The following NRIP1 variants were observed in gnomAD, a reference collection of about 807,000 sequenced individuals.
NRIP1 encodes the protein nuclear receptor interacting protein 1, also known as nuclear receptor-interacting protein 1.
In NRIP1, 28 loss-of-function variants were observed where a neutral mutation model predicts 75.0. The observed-to-expected ratio is 0.37, with a 90% CI of 0.28 to 0.51. The LOEUF (loss-of-function observed/expected upper bound fraction) is 0.51, where lower values mean the gene tolerates loss of function less well. Ranked by LOEUF, NRIP1 falls within the 20% of genes least tolerant of loss-of-function variation. NRIP1 has a pLI of 0.92. For missense variants in NRIP1, 1,435 were observed against 1,343.7 expected (o/e 1.07, Z -1.06); for synonymous variants, 526 against 487.6 (o/e 1.08, Z -1.04).
intron 1 of NRIP1, chr21:15,051,538 C>G (rs1407298505): frequency 6.6e-6 from 1 of 152,436 alleles, no homozygotes; most frequent in Admixed American, 6.5e-5. Context: ...ACAAGTCCAT[C>G]TAGGAAATAT....
intron 2 of NRIP1, among the ~76,000 whole-genome samples, chr21:15,042,468 T>C (rs143207625): frequency 5.9e-5 from 9 of 152,330 alleles, no homozygotes; most frequent in African/African-American, 1.9e-4. Context: ...TGAGGTATGC[T>C]ATGGCCTGAA....
chr21:15,063,460 C>T (rs1568742581), intron 1 of NRIP1, among the ~76,000 whole-genome samples: 1 of 152,150 alleles, frequency 6.6e-6, no homozygotes, highest in African/African-American at 2.4e-5. Flanking sequence ...CTGAATAATG[C>T]CACCCACTTA....
rs768184377 is a variant in NRIP1, at chr21:14,966,613, C to T, written c.1580G>A (p.Ser527Asn). The change falls in exon 4 of 4, where the codon AGC becomes AAC. Residue 527 changes from serine (S) to asparagine (N), a missense_variant. Ser to Asn is a conservative substitution (Grantham distance 46). Coordinates refer to ENST00000318948, the MANE Select transcript of NRIP1 (RefSeq NM_003489.4). Reference protein sequence around the residue: ...TSPQGVHNDVSKFNTQNYART... With the variant: ...TSPQGVHNDVNKFNTQNYART... ...TGCATAATTTTGTGTATTGAACTTG[C>T]TCACATCATTGTGTACTCCCTGAGG... 3.1e-6 allele frequency: 5 copies of T among 1,613,986 alleles called. No individual in the cohort carries two copies. Among genetic ancestry groups the T allele is most frequent in the African/African-American group, 2.7e-5 (2 of 74,914 alleles).
chr21:15,056,341 T>C (rs1317465973), intron 1 of NRIP1, among the ~76,000 whole-genome samples: 1 of 151,310 alleles, frequency 6.6e-6, no homozygotes, highest in African/African-American at 2.4e-5. Flanking sequence ...CAGTCAAGTA[T>C]TACCAGGATA....
chr21:15,024,928 T>C (rs908813844), intron 2 of NRIP1, among the ~76,000 whole-genome samples: 2 of 152,190 alleles, frequency 1.3e-5, no homozygotes, highest in Admixed American at 6.5e-5. Context: ...TCTAACCTTA[T>C]TGTCAATCAC....
chr21:15,025,294 T>C (rs1444184631), intron 2 of NRIP1, among the ~76,000 whole-genome samples: 1 of 151,156 alleles, frequency 6.6e-6, no homozygotes, highest in Non-Finnish European at 1.5e-5. Flanking sequence ...TAAGAGGAGG[T>C]ACAAAAAGGG....
At chr21:14,972,439 C>A (rs541300028) in intron 3 of NRIP1, among the ~76,000 whole-genome samples, 1 of 152,114 alleles carries the variant, frequency 6.6e-6, no homozygotes, top group Admixed American at 6.5e-5. Flanking sequence ...AATAAATAGA[C>A]GTTTTAAGGT....
At position 14,967,632 on chromosome 21, in the gene NRIP1, A is replaced by G; in HGVS notation, c.561T>C (p.Thr187=). 1 of 1,613,650 alleles carries G rather than the reference A, an allele frequency of 6.2e-7. No homozygotes were observed. The highest frequency in any genetic ancestry group is 8.5e-7 in the Non-Finnish European group (1 of 1,179,930). The change falls in exon 4 of 4, where the codon ACT becomes ACC. Residue 187 remains threonine, a synonymous_variant. Coordinates refer to ENST00000318948, the MANE Select transcript of NRIP1 (RefSeq NM_003489.4). ...CYGVASSHLK[T]LLKKSKVKDQ... ...CTTTAACTTTACTTTTCTTCAACAA[A>G]GTTTTTAAGTGACTTGATGCAACAC...
chr21:15,008,833 A>G (rs1173701095), intron 3 of NRIP1, among the ~76,000 whole-genome samples: 2 of 152,144 alleles, frequency 1.3e-5, no homozygotes, highest in African/African-American at 4.8e-5. Context: ...ATACTACTAA[A>G]TGTTATCTGG....
intron 2 of NRIP1, among the ~76,000 whole-genome samples, chr21:15,031,071 G>GTATACACTC (rs2088665889): frequency 4.3e-5 from 2 of 46,302 alleles, no homozygotes; most frequent in Admixed American, 2.5e-4. Flanking sequence ...CTTTCTATGT[G>GTATACACTC]TGTACACTCT....
At chr21:14,998,004 T>C (rs1009320774) in intron 3 of NRIP1, among the ~76,000 whole-genome samples, 3 of 152,170 alleles carry the variant, frequency 2.0e-5, no homozygotes, top group African/African-American at 7.2e-5. Context: ...ACTTGTAAGC[T>C]TATAAACTTA....
intron 3 of NRIP1, among the ~76,000 whole-genome samples, chr21:15,005,856 C>T (rs1207187997): frequency 6.6e-6 from 1 of 152,130 alleles, no homozygotes; most frequent in Non-Finnish European, 1.5e-5. Flanking sequence ...AAGTAAACAA[C>T]CCTTCCATTG....
At chr21:15,002,471 T>A (rs1318454231) in intron 3 of NRIP1, 2 of 150,698 alleles carry the variant, frequency 1.3e-5, no homozygotes, top group African/African-American at 5.0e-5. Context: ...TGGTCAAAAT[T>A]AAACACACAC....
At chr21:15,027,891 T>A (rs1036726279) in intron 2 of NRIP1, among the ~76,000 whole-genome samples, 3 of 152,108 alleles carry the variant, frequency 2.0e-5, no homozygotes, top group Non-Finnish European at 4.4e-5. Context: ...AAGAGCAAAG[T>A]TTACTTGCAC....
chr21:14,984,458 G>A (rs756450669), intron 3 of NRIP1, among the ~76,000 whole-genome samples: 9 of 149,714 alleles, frequency 6.0e-5, no homozygotes, highest in South Asian at 4.4e-4. Flanking sequence ...CCACTACACC[G>A]AGCCTGAGGA....
intron 3 of NRIP1, among the ~76,000 whole-genome samples, chr21:15,007,794 C>T (rs777763977): frequency 4.6e-5 from 7 of 152,138 alleles, no homozygotes; most frequent in African/African-American, 1.4e-4. Flanking sequence ...TCTTGAGTCC[C>T]GACTACGTTT....
intron 1 of NRIP1, 85 bp downstream of exon 1, chr21:15,064,660 A>T (rs1978697679): frequency 6.6e-6 from 1 of 150,510 alleles, no homozygotes; most frequent in East Asian, 2.0e-4. Flanking sequence ...GCCAAGCGAG[A>T]GCCGACGCGG....
chr21:15,058,103 A>T (rs1050507565), intron 1 of NRIP1, among the ~76,000 whole-genome samples: 6 of 152,216 alleles, frequency 3.9e-5, no homozygotes, highest in African/African-American at 1.4e-4. Flanking sequence ...TAGAAATCAA[A>T]TATAACCCCC....
chr21:15,017,251 T>A (rs937259383), intron 2 of NRIP1, among the ~76,000 whole-genome samples: 1 of 152,238 alleles, frequency 6.6e-6, no homozygotes, highest in South Asian at 2.1e-4. Context: ...GAGACGAGGA[T>A]CTCGCTATGT....
Sources: allele counts gnomAD v4.1 joint callset (sites outside exome capture counted in the v4.1 genomes callset), GRCh38; gene constraint gnomAD v4.1.1; transcripts MANE v1.5; gene names NCBI Gene and HGNC (gene_info 2026-07-23, HGNC 2026-07-21).